Variants in SLC39A12 observed in about 807,000 individuals in gnomAD.
The protein encoded by SLC39A12 is zinc transporter ZIP12.
Under a neutral mutation model 71.1 loss-of-function variants are expected in SLC39A12, and 63 were observed. The ratio of observed to expected loss-of-function variants is 0.89; its 90% CI spans 0.72 to 1.09. SLC39A12 has a LOEUF of 1.09. Among genes scored for constraint, SLC39A12 ranks in the 50% least tolerant of loss-of-function variants. The pLI, the probability that SLC39A12 is intolerant of heterozygous loss-of-function variation, is 0.00. For missense variants in SLC39A12, 892 were observed against 812.6 expected (o/e 1.10, Z -1.19); for synonymous variants, 351 against 301.3 (o/e 1.16, Z -1.71).
rs1835894854 is a variant in SLC39A12, at chr10:18,003,493, T to TAAA, written c.1947+135_1947+136insAAA. The TAAA allele has an allele frequency of 6.5e-6, 5 of 764,264 alleles. No individual in the cohort carries two copies. In the African/African-American group the frequency reaches 8.9e-5, roughly 14 times the overall value. The allele number at this position is 764,264 out of a possible 1,614,324, so 47.3% of individuals were successfully genotyped here. On this transcript the variant is annotated intron_variant, in intron 12 of 12. Coordinates refer to ENST00000377369, the MANE Select transcript of SLC39A12 (RefSeq NM_001145195.2). Reference sequence around the variant, plus strand: ...AAACAATATAAACCATTAAGGAATATTCTTTGTACTCCAAGAAAGTGCATT... The same window carrying TAAA: ...AAACAATATAAACCATTAAGGAATATAAATCTTTGTACTCCAAGAAAGTGCATT...
intron 12 of SLC39A12, among the ~76,000 whole-genome samples, chr10:18,034,950 G>T (rs1351130698): frequency 2.8e-4 from 42 of 152,066 alleles, no homozygotes; most frequent in East Asian, 2.1e-3. Flanking sequence ...GAAAATTCTT[G>T]TCTTTAAGAA....
chr10:17,965,707 G>GA lies in SLC39A12; in HGVS notation c.751+19dup. 6.3e-7 allele frequency: 1 copy of GA among 1,592,546 alleles called. No homozygotes were observed. Among genetic ancestry groups the GA allele is most frequent in the Non-Finnish European group, 8.6e-7 (1 of 1,162,206 alleles). ...GCCTATCAGGTAAGGATGTTTTCAC[G>GA]AATTTAACTTCCAAGTCACACCTGC... On this transcript the variant is annotated intron_variant, in intron 4 of 12. Transcript: ENST00000377369.
At chr10:17,970,544 T>C (rs1008239601) in intron 4 of SLC39A12, among the ~76,000 whole-genome samples, 6 of 152,166 alleles carry the variant, frequency 3.9e-5, no homozygotes, top group Non-Finnish European at 7.4e-5. Context: ...TTTGTGGCTA[T>C]TGTAAATGGG....
At chr10:17,980,001 A>G (rs1348657994) in intron 5 of SLC39A12, among the ~76,000 whole-genome samples, 1 of 152,172 alleles carries the variant, frequency 6.6e-6, no homozygotes, top group African/African-American at 2.4e-5. Flanking sequence ...AAGAAAAAAG[A>G]AAATACTTGG....
chr10:18,033,271 A>T (rs1337810082), intron 12 of SLC39A12, among the ~76,000 whole-genome samples: 5 of 148,324 alleles, frequency 3.4e-5, no homozygotes, highest in African/African-American at 5.0e-5. Context: ...CTGTGAATCC[A>T]TCTGGTCCTG....
chr10:18,040,013 T>C (rs1476244242), intron 12 of SLC39A12, among the ~76,000 whole-genome samples: 1 of 152,226 alleles, frequency 6.6e-6, no homozygotes, highest in Non-Finnish European at 1.5e-5. Flanking sequence ...AAATCCATTG[T>C]TAACTATATG....
chr10:18,027,763 T>C (rs574664429), intron 12 of SLC39A12, among the ~76,000 whole-genome samples: 1 of 152,360 alleles, frequency 6.6e-6, no homozygotes, highest in South Asian at 2.1e-4. Context: ...TGTTGGTTTT[T>C]CAGTTGATCA....
chr10:17,995,809 G>T, intron 10 of SLC39A12, 87 bp downstream of exon 10: 1 of 1,185,846 alleles, frequency 8.4e-7, no homozygotes, highest in South Asian at 1.4e-5. Flanking sequence ...AAACTATATA[G>T]ATATCATATT....
At chr10:17,994,874 T>C (rs1300201775) in intron 9 of SLC39A12, among the ~76,000 whole-genome samples, 1 of 152,234 alleles carries the variant, frequency 6.6e-6, no homozygotes, top group Non-Finnish European at 1.5e-5. Context: ...CTTTGGGAGA[T>C]AGACTTCTAT....
intron 6 of SLC39A12, among the ~76,000 whole-genome samples, chr10:17,987,061 G>T: frequency 6.6e-6 from 1 of 152,148 alleles, no homozygotes; most frequent in Non-Finnish European, 1.5e-5. Context: ...GGGGCAGTGG[G>T]CTTACAACTG....
chr10:18,033,389 G>A lies in SLC39A12; in HGVS notation c.1948-9316G>A, dbSNP rs1212299225. 4.0e-5 allele frequency among the ~76,000 whole-genome samples: 6 copies of A among 148,916 alleles called. No individual in the cohort carries two copies. In the East Asian group the frequency reaches 1.0e-3, roughly 26 times the overall value. ...CTGGTTTAGTCTTGGGAGGGTGTAT[G>A]TGTCGAGGAATTTATCCATTTCTTC... On this transcript the variant is annotated intron_variant, in intron 12 of 12. Transcript: ENST00000377369.
At chr10:18,003,106 G>A (rs11012030) in intron 11 of SLC39A12, 65 bp from the exon 12 acceptor site, 61,295 of 1,471,970 alleles carry the variant, frequency 0.042, 1,715 homozygotes, top group South Asian at 0.089. Context: ...CTAATAGTGC[G>A]TTACTTTAGC....
chr10:17,977,027 A>C (rs570291419), intron 4 of SLC39A12, among the ~76,000 whole-genome samples: 2 of 151,896 alleles, frequency 1.3e-5, no homozygotes, highest in South Asian at 2.1e-4. Flanking sequence ...CTGTTAATCT[A>C]TACTCATGTT....
intron 4 of SLC39A12, among the ~76,000 whole-genome samples, chr10:17,970,674 T>TTGTGTGTGTGTGTGTG (rs61528284): frequency 6.9e-6 from 1 of 145,422 alleles, no homozygotes; most frequent in African/African-American, 2.5e-5. Flanking sequence ...TTCTAATAGT[T>TTGTGTGTGTGTGTGTG]TGTGTGTGTG....
chr10:17,973,240 T>C (rs1351462415), intron 4 of SLC39A12, among the ~76,000 whole-genome samples: 1 of 152,180 alleles, frequency 6.6e-6, no homozygotes, highest in Non-Finnish European at 1.5e-5. Context: ...CATTAGTTTA[T>C]TATTTAGTCT....
Position 18,000,659 on chromosome 10 carries a change from T to C in SLC39A12, c.1601-8T>C. The C allele has an allele frequency of 6.2e-7, 1 of 1,613,982 alleles. No individual in the cohort carries two copies. The highest frequency in any genetic ancestry group is 8.5e-7 in the Non-Finnish European group (1 of 1,179,916). ...TAATGCTTCTTCTGTGTTTATTTGG[T>C]TCCTTAGGTAAAGCCATTAGCTTGT... On this transcript the variant is annotated splice_region_variant and splice_polypyrimidine_tract_variant and intron_variant, in intron 10 of 12. Transcript: ENST00000377369.
chr10:18,020,221 T>C (rs1378044292), intron 12 of SLC39A12, among the ~76,000 whole-genome samples: 1 of 152,060 alleles, frequency 6.6e-6, no homozygotes, highest in African/African-American at 2.4e-5. Context: ...CATGCGGTAT[T>C]TGGTTTTCTG....
intron 12 of SLC39A12, among the ~76,000 whole-genome samples, chr10:18,026,809 G>C (rs532242695): frequency 1.1e-4 from 16 of 152,058 alleles, no homozygotes; most frequent in Non-Finnish European, 2.2e-4. Context: ...CTACTAATTA[G>C]CTCATCAAAG....
chr10:17,981,428 C>A lies in SLC39A12; in HGVS notation c.1041C>A (p.Cys347Ter). The part of the protein sequence containing the change: ...SPGIIQQLLS[C>*]SCHLPKDQQA... ...GGATCATCCAGCAGCTCCTCAGCTG[C>A]TCCTGCCACTTACCCAAGGACCAAC... The change falls in exon 6 of 13, where the codon TGC becomes TGA. Residue 347 changes from cysteine (C) to a stop codon, truncating the protein, a stop_gained. Transcript: ENST00000377369. LOFTEE classifies it high-confidence loss of function. The A allele has an allele frequency of 8.1e-6, 13 of 1,613,992 alleles. No individual in the cohort carries two copies. The highest frequency in any genetic ancestry group is 9.3e-6 in the Non-Finnish European group (11 of 1,179,948).
Sources: allele counts gnomAD v4.1 joint callset (sites outside exome capture counted in the v4.1 genomes callset), GRCh38; gene constraint gnomAD v4.1.1; transcripts MANE v1.5; gene names NCBI Gene and HGNC (gene_info 2026-07-23, HGNC 2026-07-21).